The following TTC21B variants were observed in gnomAD, a reference collection of about 807,000 sequenced individuals.
The protein encoded by TTC21B is tetratricopeptide repeat domain 21B, also known as tetratricopeptide repeat protein 21B.
TTC21B carries 127 observed loss-of-function variants against 175.1 expected under a neutral mutation model. The ratio of observed to expected loss-of-function variants is 0.73; its 90% confidence interval spans 0.63 to 0.84. TTC21B has a LOEUF of 0.84. Ranked by LOEUF, TTC21B falls within the 40% of genes least tolerant of loss-of-function variation. The pLI is 0.00. For missense variants in TTC21B, 1,561 were observed against 1,558.3 expected, an observed-to-expected ratio of 1.00 and a Z score of -0.03; for synonymous variants, 524 against 524.5, an observed-to-expected ratio of 1.00 and a Z score of 0.01.
intron 14 of TTC21B, among the ~76,000 whole-genome samples, chr2:165,915,974 T>C (rs931076399): frequency 1.3e-5 from 2 of 152,246 alleles, no homozygotes; most frequent in Non-Finnish European, 2.9e-5. Context: ...TTGGCCTTAC[T>C]TGTTAAATGT....
At chr2:165,937,518 C>A (rs2390311) in intron 6 of TTC21B, among the ~76,000 whole-genome samples, 145,179 of 152,080 alleles carry the variant, frequency 0.95, 69,636 homozygotes, top group East Asian at 1. Flanking sequence ...AATTAGGCAG[C>A]CTATCTATGT....
intron 12 of TTC21B, among the ~76,000 whole-genome samples, chr2:165,922,738 T>C (rs1244177079): frequency 6.6e-6 from 1 of 152,126 alleles, no homozygotes; most frequent in African/African-American, 2.4e-5. Flanking sequence ...ACTAGATATC[T>C]ACCCAAAGGA....
intron 11 of TTC21B, among the ~76,000 whole-genome samples, chr2:165,927,611 T>C (rs1370320567): frequency 6.6e-6 from 1 of 151,438 alleles, no homozygotes; most frequent in Non-Finnish European, 1.5e-5. Flanking sequence ...AGTAGAGTGC[T>C]AGGTACTCTA....
Position 165,917,479 on chromosome 2 carries a change from C to A in TTC21B, c.1677G>T (p.Val559=), listed in dbSNP as rs149842503. 4 of 1,603,264 alleles carry A rather than the reference C, an allele frequency of 2.5e-6. No individual in the cohort carries two copies. In the South Asian group the frequency reaches 3.3e-5, roughly 13 times the overall value. Residue 559 remains valine, a splice_region_variant and synonymous_variant, in exon 14 of 29, where the codon GTG becomes GTT. Transcript: ENST00000243344. Reference sequence around the variant, plus strand: ...TCAAATGGTATAAAGGATAGTCTCTCACCTGAAGAATAATATTTAATATTT... The same window carrying A: ...TCAAATGGTATAAAGGATAGTCTCTAACCTGAAGAATAATATTTAATATTT... ...LELCLSYDFK[V]RDYPLYHLIK... is the part of the protein sequence containing the mutation.
At chr2:165,900,139 C>T (rs750124914) in intron 20 of TTC21B, among the ~76,000 whole-genome samples, 1 of 151,288 alleles carries the variant, frequency 6.6e-6, no homozygotes, top group Non-Finnish European at 1.5e-5. Flanking sequence ...GAAAAGAACA[C>T]TGGTCTTAAA....
chr2:165,899,338 T>C (rs1055146734), intron 21 of TTC21B, among the ~76,000 whole-genome samples: 19 of 152,052 alleles, frequency 1.2e-4, no homozygotes, highest in African/African-American at 4.3e-4. Context: ...TAAGAAAAAA[T>C]AAAAAACTCT....
At chr2:165,945,805 T>G in intron 3 of TTC21B, 115 bp from the exon 4 acceptor site, 1 of 918,548 alleles carries the variant, frequency 1.1e-6, no homozygotes, top group Non-Finnish European at 1.6e-6. Flanking sequence ...TACTGTCTAA[T>G]AGAAATAAAA....
intron 1 of TTC21B, among the ~76,000 whole-genome samples, chr2:165,951,764 C>T (rs1687769838): frequency 6.6e-6 from 1 of 152,204 alleles, no homozygotes; most frequent in Non-Finnish European, 1.5e-5. Context: ...GGAAAACCTA[C>T]ATTTTTCAGA....
chr2:165,917,067 C>T (rs1467835925), intron 14 of TTC21B, among the ~76,000 whole-genome samples, 190 bp downstream of exon 14: 3 of 152,046 alleles, frequency 2.0e-5, no homozygotes, highest in African/African-American at 7.2e-5. Context: ...TTAGTAGAGA[C>T]AGGGTTTCAC....
At chr2:165,918,944 T>A (rs983606603) in intron 13 of TTC21B, among the ~76,000 whole-genome samples, 3 of 152,162 alleles carry the variant, frequency 2.0e-5, no homozygotes, top group Non-Finnish European at 4.4e-5. Flanking sequence ...GACATAAGGA[T>A]CATCATTTTT....
At chr2:165,941,724 G>A (rs982252419) in intron 5 of TTC21B, among the ~76,000 whole-genome samples, 3 of 151,900 alleles carry the variant, frequency 2.0e-5, no homozygotes, top group African/African-American at 7.2e-5. Context: ...TGATATTTAT[G>A]GCAGAATTGT....
At chr2:165,926,666 G>C (rs1310792577) in intron 11 of TTC21B, among the ~76,000 whole-genome samples, 1 of 152,016 alleles carries the variant, frequency 6.6e-6, no homozygotes, top group Non-Finnish European at 1.5e-5. Context: ...GGAGATTAAC[G>C]TTTGAGTCAA....
At chr2:165,933,666 TG>T (rs1215809188) in intron 6 of TTC21B, among the ~76,000 whole-genome samples, 2 of 152,190 alleles carry the variant, frequency 1.3e-5, no homozygotes, top group Non-Finnish European at 2.9e-5. Context: ...ATGGATGATG[TG>T]GTACATATCA....
At chr2:165,928,142 T>C (rs543923395) in intron 11 of TTC21B, among the ~76,000 whole-genome samples, 1 of 152,312 alleles carries the variant, frequency 6.6e-6, no homozygotes, top group Admixed American at 6.5e-5. Context: ...TAGTAATAGT[T>C]ATCTCAGAGC....
intron 16 of TTC21B, among the ~76,000 whole-genome samples, 191 bp downstream of exon 16, chr2:165,913,383 G>T (rs891038468): frequency 3.3e-5 from 5 of 152,044 alleles, no homozygotes; most frequent in Admixed American, 6.6e-5. Flanking sequence ...TTTAAAAATA[G>T]AATCCATTTT....
At chr2:165,933,137 T>A in intron 6 of TTC21B, 80 bp from the exon 7 acceptor site, 1 of 1,196,676 alleles carries the variant, frequency 8.4e-7, no homozygotes, top group Non-Finnish European at 1.2e-6. Flanking sequence ...GTTGGTTTGC[T>A]TGCCTCACTA....
chr2:165,911,326 C>T lies in TTC21B; in HGVS notation c.2461+1G>A, dbSNP rs1382566648. On this transcript the variant is annotated splice_donor_variant, in intron 18 of 28. Transcript: ENST00000243344. LOFTEE classifies it high-confidence loss of function. ...TTTTCAAACCAGAAAGACTTTCATA[C>T]CAGGTTCATGAGCCAGAGCATGCTG... 1 of 1,613,736 alleles carries T rather than the reference C, an allele frequency of 6.2e-7. No homozygotes were observed. Among genetic ancestry groups the T allele is most frequent in the East Asian group, 2.2e-5 (1 of 44,790 alleles).
chr2:165,911,547 A>G, intron 17 of TTC21B, 82 bp from the exon 18 acceptor site: 2 of 1,521,896 alleles, frequency 1.3e-6, no homozygotes, highest in Non-Finnish European at 1.8e-6. Flanking sequence ...TTACAGACTT[A>G]AAGCATTGGT....
rs1685168532 is a variant in TTC21B, at chr2:165,890,944, ATCT to A, written c.2992_2994del (p.Arg998del). The A allele has an allele frequency of 6.8e-6, 11 of 1,613,150 alleles. No individual in the cohort carries two copies. The East Asian group carries it at 1.6e-4, about 23-fold the overall frequency. ...CTTGGGACATCCTCGAGTTTTCCAC[ATCT>A]TCTTAGGAGATCAATCAAACGAGAT... On this transcript the variant is annotated inframe_deletion, in exon 23 of 29. Coordinates refer to ENST00000243344, the MANE Select transcript of TTC21B (RefSeq NM_024753.5).
Sources: allele counts gnomAD v4.1 joint callset (sites outside exome capture counted in the v4.1 genomes callset), GRCh38; gene constraint gnomAD v4.1.1; transcripts MANE v1.5; gene names NCBI Gene and HGNC (gene_info 2026-07-23, HGNC 2026-07-21).